Variants in DPH6 observed in about 807,000 individuals in gnomAD.
DPH6 encodes diphthine--ammonia ligase.
A neutral mutation model predicts 38.2 loss-of-function variants in DPH6; 33 were observed. The observed-to-expected ratio is 0.86, with a 90% CI of 0.65 to 1.15. DPH6 has a LOEUF of 1.15. Ranked by LOEUF, DPH6 falls within the 50% of genes most tolerant of loss-of-function variation. DPH6 has a pLI of 0.00. For missense variants in DPH6, 325 were observed against 320.0 expected (o/e 1.02, Z -0.12); for synonymous variants, 108 against 103.0 (o/e 1.05, Z -0.30).
At chr15:35,245,403 T>C (rs1404719790) in intron 3 of DPH6, among the ~76,000 whole-genome samples, 1 of 152,036 alleles carries the variant, frequency 6.6e-6, no homozygotes, top group African/African-American at 2.4e-5. Context: ...CATGCCCGGA[T>C]AATTTTTTGT....
intron 3 of DPH6, among the ~76,000 whole-genome samples, chr15:35,319,820 G>A (rs1243675372): frequency 6.6e-6 from 1 of 151,694 alleles, no homozygotes; most frequent in Non-Finnish European, 1.5e-5. Flanking sequence ...TGCAAAGTTA[G>A]AGGCATGCTA....
chr15:35,250,611 TG>T (rs1310335297), intron 3 of DPH6, among the ~76,000 whole-genome samples: 2 of 152,168 alleles, frequency 1.3e-5, no homozygotes, highest in Non-Finnish European at 2.9e-5. Context: ...ATCAGAGAAA[TG>T]TTTTTTTCAA....
intron 5 of DPH6, among the ~76,000 whole-genome samples, chr15:35,444,821 T>C (rs1435504962): frequency 1.3e-5 from 2 of 152,140 alleles, no homozygotes; most frequent in Non-Finnish European, 2.9e-5. Context: ...ATCCTTTTCA[T>C]CACGAGCTTT....
intron 6 of DPH6, among the ~76,000 whole-genome samples, chr15:35,386,342 T>G (rs929196171): frequency 4.6e-5 from 7 of 152,250 alleles, no homozygotes; most frequent in Non-Finnish European, 7.3e-5. Flanking sequence ...GCATGATTTA[T>G]AATCTTTTGG....
At chr15:35,288,105 C>G (rs2051955757) in intron 3 of DPH6, among the ~76,000 whole-genome samples, 1 of 152,154 alleles carries the variant, frequency 6.6e-6, no homozygotes, top group Non-Finnish European at 1.5e-5. Flanking sequence ...AGATAAGTTA[C>G]AGTGTCATGT....
chr15:35,436,427 C>T (rs1474373739), intron 5 of DPH6, among the ~76,000 whole-genome samples: 2 of 149,132 alleles, frequency 1.3e-5, no homozygotes, highest in Non-Finnish European at 3.0e-5. Flanking sequence ...GATGGCGCCA[C>T]TGCGCTCCAG....
In DPH6 at chr15:35,433,582, T is replaced by C. The variant is rs535134981; in HGVS notation, c.505+17103A>G. ...CTTTCACAATTACTAAATTCTTCCA[T>C]TGTAGCATGAAAACAGCCATAGACA... On this transcript the variant is annotated intron_variant, in intron 5 of 8. Coordinates refer to ENST00000256538, the MANE Select transcript of DPH6 (RefSeq NM_080650.4). Among the ~76,000 whole-genome samples the C allele has an allele frequency of 1.8e-4, 28 of 152,296 alleles. No individual in the cohort carries two copies. The East Asian group carries it at 3.7e-3, about 20-fold the overall frequency.
intron 3 of DPH6, among the ~76,000 whole-genome samples, chr15:35,293,343 A>G (rs1429010875): frequency 6.6e-6 from 1 of 152,140 alleles, no homozygotes. Flanking sequence ...AACCGGAACT[A>G]TTTTCTTTAA....
intron 5 of DPH6, among the ~76,000 whole-genome samples, chr15:35,419,579 A>T (rs943075176): frequency 6.6e-6 from 1 of 152,160 alleles, no homozygotes; most frequent in Non-Finnish European, 1.5e-5. Context: ...ACACCCTTAT[A>T]GACTAAAGGA....
At chr15:35,194,601 A>C in the DPH6 span, among the ~76,000 whole-genome samples, 1 of 152,244 alleles carries the variant, frequency 6.6e-6, no homozygotes, top group African/African-American at 2.4e-5. Context: ...AATGCACAGC[A>C]TGTGCTTCTG....
chr15:35,215,596 C>T (rs969238785), downstream of DPH6, among the ~76,000 whole-genome samples: 1 of 152,062 alleles, frequency 6.6e-6, no homozygotes, highest in African/African-American at 2.4e-5. Flanking sequence ...GATTTGTTGG[C>T]CAGGCTGGTC....
the DPH6 span, among the ~76,000 whole-genome samples, chr15:35,175,448 A>T: frequency 6.6e-6 from 1 of 152,228 alleles, no homozygotes; most frequent in African/African-American, 2.4e-5. Context: ...CTTGTAGATT[A>T]ATGAGAGTGG....
chr15:35,147,646 T>G, the DPH6 span, among the ~76,000 whole-genome samples: 37 of 152,324 alleles, frequency 2.4e-4, no homozygotes, highest in African/African-American at 8.7e-4. Context: ...TTAAAAAAAG[T>G]AATCAGAAAT....
chr15:35,272,106 T>C (rs374272174), intron 3 of DPH6, among the ~76,000 whole-genome samples: 1 of 152,084 alleles, frequency 6.6e-6, no homozygotes, highest in African/African-American at 2.4e-5. Flanking sequence ...AGATCAAAAA[T>C]ATTTTAAAAA....
At chr15:35,454,870 C>T in intron 3 of DPH6, 50 bp from the exon 4 acceptor site, 1 of 1,342,532 alleles carries the variant, frequency 7.4e-7, no homozygotes, top group Non-Finnish European at 1.0e-6. Context: ...TAACAAATGG[C>T]TCCACATCAT....
At chr15:35,404,454 T>A (rs932021891) in intron 6 of DPH6, among the ~76,000 whole-genome samples, 4 of 152,164 alleles carry the variant, frequency 2.6e-5, no homozygotes, top group African/African-American at 9.6e-5. Flanking sequence ...GTAGTTTTGA[T>A]TTGCATTTCT....
chr15:35,255,602 C>G (rs1196901287), intron 3 of DPH6, among the ~76,000 whole-genome samples: 1 of 152,166 alleles, frequency 6.6e-6, no homozygotes, highest in Non-Finnish European at 1.5e-5. Flanking sequence ...ATCACCCCTC[C>G]AGCCACTAGA....
intron 3 of DPH6, among the ~76,000 whole-genome samples, chr15:35,321,599 T>G (rs1235046728): frequency 2.6e-5 from 4 of 152,238 alleles, no homozygotes; most frequent in African/African-American, 7.2e-5. Context: ...GTGATCACTT[T>G]GTAAACATTC....
intron 7 of DPH6, among the ~76,000 whole-genome samples, chr15:35,375,524 GCAGAATCTGT>G (rs1595509239): frequency 6.6e-6 from 1 of 152,222 alleles, no homozygotes; most frequent in East Asian, 1.9e-4. Context: ...AATCCTGAAA[GCAGAATCTGT>G]CAGAATATCC....
Sources: gnomAD v4.1 joint callset for allele counts (sites outside exome capture counted in the v4.1 genomes callset) on GRCh38, gnomAD v4.1.1 for gene constraint, MANE v1.5 for transcripts, NCBI Gene and HGNC (gene_info 2026-07-23, HGNC 2026-07-21) for gene names.